Variants in NTRK3 observed in about 807,000 individuals in gnomAD.
The protein encoded by NTRK3 is neurotrophic receptor tyrosine kinase 3, also known as NT-3 growth factor receptor.
NTRK3 carries 24 observed loss-of-function variants against 91.7 expected under a neutral mutation model. That is an observed-to-expected ratio of 0.26 (90% CI 0.19 to 0.37). NTRK3 has a LOEUF of 0.37. NTRK3 is among the 10% of genes least tolerant of loss of function. The pLI, the probability that NTRK3 is intolerant of heterozygous loss-of-function variation, is 1.00. For synonymous variants in NTRK3, 483 were observed against 404.0 expected (o/e 1.20, Z -2.34); for missense variants, 880 against 1,068.9 (o/e 0.82, Z 2.46).
intron 14 of NTRK3, among the ~76,000 whole-genome samples, chr15:87,941,072 CA>C (rs2069792168): frequency 6.6e-6 from 1 of 152,130 alleles, no homozygotes. Context: ...GGAGATAGCA[CA>C]AAGCAGTCTC....
At chr15:87,979,842 T>C (rs2074057696) in intron 14 of NTRK3, among the ~76,000 whole-genome samples, 1 of 152,144 alleles carries the variant, frequency 6.6e-6, no homozygotes, top group Non-Finnish European at 1.5e-5. Context: ...GGGTATGCAC[T>C]GTAGGGTCAC....
At chr15:87,868,408 C>G (rs2064744742) in exon 19 of NTRK3, 1 of 223,346 alleles carries the variant, frequency 4.5e-6, no homozygotes, top group Non-Finnish European at 8.9e-6. Context: ...TAAAGAAATA[C>G]CTAAGAATAT....
In NTRK3 at chr15:87,998,754, C is replaced by A. The variant is rs180915283; in HGVS notation, c.1585+34103G>T. 1.4e-3 allele frequency among the ~76,000 whole-genome samples: 215 copies of A among 152,252 alleles called. 2 individuals are homozygous for A. Among genetic ancestry groups the A allele is most frequent in the Non-Finnish European group, 2.0e-3 (139 of 68,026 alleles). On this transcript the variant is annotated intron_variant, in intron 14 of 18. Coordinates refer to ENST00000394480, the Ensembl canonical transcript of NTRK3. The stretch of plus-strand genomic sequence containing the variant: ...AACACAGACTCCATTGAAACAATTG[C>A]CTGCACTGCAATCATGCTAATTAAA...
intron 5 of NTRK3, among the ~76,000 whole-genome samples, chr15:88,153,578 A>G (rs1358174162): frequency 6.6e-6 from 1 of 151,988 alleles, no homozygotes; most frequent in Admixed American, 6.6e-5. Flanking sequence ...TATGAAAGAG[A>G]TATCTCCTTG....
At chr15:87,980,857 C>T (rs2074196886) in intron 14 of NTRK3, among the ~76,000 whole-genome samples, 1 of 152,076 alleles carries the variant, frequency 6.6e-6, no homozygotes, top group African/African-American at 2.4e-5. Flanking sequence ...CAAGGTGAGA[C>T]ATTTCTGAGA....
At chr15:87,913,991 C>A (rs897281377) in intron 17 of NTRK3, among the ~76,000 whole-genome samples, 5 of 152,126 alleles carry the variant, frequency 3.3e-5, no homozygotes, top group Admixed American at 1.3e-4. Context: ...TGGCTCTGGA[C>A]AAGGGAGAGA....
chr15:88,199,786 C>T (rs1567632745), intron 3 of NTRK3, among the ~76,000 whole-genome samples: 1 of 152,222 alleles, frequency 6.6e-6, no homozygotes, highest in Non-Finnish European at 1.5e-5. Context: ...AGCATTCCTC[C>T]TCTCTAGGCC....
At chr15:88,126,737 G>A (rs1029153546) in intron 12 of NTRK3, among the ~76,000 whole-genome samples, 2 of 152,108 alleles carry the variant, frequency 1.3e-5, no homozygotes, top group Non-Finnish European at 2.9e-5. Context: ...TTCTTATCCA[G>A]GAAAGTCGAA....
Position 87,886,440 on chromosome 15 carries a change from C to G in NTRK3, c.2134-6012G>C, listed in dbSNP as rs191490416. Among the ~76,000 whole-genome samples the G allele has an allele frequency of 2.7e-3, 411 of 151,664 alleles. 3 individuals are homozygous for G. Among genetic ancestry groups the G allele is most frequent in the African/African-American group, 9.5e-3 (393 of 41,400 alleles). On this transcript the variant is annotated intron_variant, in intron 17 of 18. Transcript: ENST00000394480. ...AGCAGTTAAAAAGAATATAGTAGAG[C>G]TATGTGTACTGATATGTAAATATAT...
intron 13 of NTRK3, among the ~76,000 whole-genome samples, chr15:88,062,944 G>A (rs1009638768): frequency 6.6e-6 from 1 of 152,184 alleles, no homozygotes; most frequent in African/African-American, 2.4e-5. Flanking sequence ...TGATTATCTT[G>A]TTTCCTTCAT....
At chr15:88,166,517 C>G (rs2044969282) in intron 5 of NTRK3, among the ~76,000 whole-genome samples, 1 of 152,196 alleles carries the variant, frequency 6.6e-6, no homozygotes, top group Non-Finnish European at 1.5e-5. Flanking sequence ...AGTTCACTGC[C>G]CAGGAGGAAA....
intron 13 of NTRK3, among the ~76,000 whole-genome samples, chr15:88,060,027 G>A (rs1001220231): frequency 2.6e-5 from 4 of 152,150 alleles, no homozygotes; most frequent in South Asian, 2.1e-4. Context: ...TAAAGCCACC[G>A]AGTCTGGAAG....
intron 3 of NTRK3, among the ~76,000 whole-genome samples, chr15:88,190,576 G>C (rs190533399): frequency 8.6e-4 from 131 of 152,180 alleles, no homozygotes; most frequent in Non-Finnish European, 1.5e-3. Flanking sequence ...TTGATATTAG[G>C]CTGCAGGCCA....
At chr15:88,035,113 A>AGAAGAAAGAGGCAAGAG (rs1407634386) in intron 13 of NTRK3, among the ~76,000 whole-genome samples, 1 of 152,172 alleles carries the variant, frequency 6.6e-6, no homozygotes, top group African/African-American at 2.4e-5. Flanking sequence ...AAAAGTCAAA[A>AGAAGAAAGAGGCAAGAG]GAAGAAAGAG....
chr15:87,864,998 C>A, exon 19 of NTRK3: 1 of 215,244 alleles, frequency 4.6e-6, no homozygotes, highest in Non-Finnish European at 9.4e-6. Context: ...AGAGGTGTTG[C>A]TTTTCTACAC....
At chr15:88,098,026 C>A (rs1246088372) in intron 13 of NTRK3, among the ~76,000 whole-genome samples, 1 of 152,212 alleles carries the variant, frequency 6.6e-6, no homozygotes, top group East Asian at 1.9e-4. Context: ...TTTTATTCTA[C>A]AGTGTCCTTC....
intron 17 of NTRK3, among the ~76,000 whole-genome samples, chr15:87,905,605 C>G (rs2066719387): frequency 6.6e-6 from 1 of 152,198 alleles, no homozygotes; most frequent in Non-Finnish European, 1.5e-5. Flanking sequence ...TGAGGTCAGT[C>G]TGTGGATTCC....
intron 14 of NTRK3, among the ~76,000 whole-genome samples, chr15:87,967,803 A>G (rs1479583647): frequency 1.3e-5 from 2 of 152,214 alleles, no homozygotes; most frequent in African/African-American, 4.8e-5. Context: ...CTGAACATGC[A>G]TGGTTGTAGC....
rs566503638 is a variant in NTRK3, at chr15:88,044,474, G to A, written c.1397-11429C>T. ...GACAGGGTTTCACTGTGTTGGCCAG[G>A]ATGGTCTTGATCTCCTGACCTCGTG... On this transcript the variant is annotated intron_variant, in intron 13 of 18. Coordinates refer to ENST00000394480, the Ensembl canonical transcript of NTRK3. 3.8e-3 allele frequency among the ~76,000 whole-genome samples: 577 copies of A among 151,862 alleles called. 9 individuals are homozygous for A. The highest frequency in any genetic ancestry group is 9.5e-3 in the East Asian group (49 of 5,132).
Sources: allele counts gnomAD v4.1 joint callset (sites outside exome capture counted in the v4.1 genomes callset), GRCh38; gene constraint gnomAD v4.1.1; transcripts MANE v1.5; gene names NCBI Gene and HGNC (gene_info 2026-07-23, HGNC 2026-07-21).